RPSA2: variants seen among roughly 807,000 people sequenced by gnomAD.
RPSA2 encodes the protein small ribosomal subunit protein uS2B.
At chr19:23,825,004 G>C in the RPSA2 span, among the ~76,000 whole-genome samples, 1 of 151,362 alleles carries the variant, frequency 6.6e-6, no homozygotes, top group Admixed American at 6.6e-5. Context: ...TTTTGAGATG[G>C]AGTCTCGCTC....
chr19:23,862,186 A>G, the RPSA2 span, among the ~76,000 whole-genome samples: 2 of 151,982 alleles, frequency 1.3e-5, no homozygotes, highest in East Asian at 3.9e-4. Context: ...TTTGTCTGTT[A>G]TTGGTGTATA....
chr19:23,774,927 A>G, the RPSA2 span, among the ~76,000 whole-genome samples: 1 of 152,026 alleles, frequency 6.6e-6, no homozygotes, highest in African/African-American at 2.4e-5. Flanking sequence ...TCTCCTGCTC[A>G]CTCCCTATCC....
the RPSA2 span, chr19:23,807,771 GA>G: frequency 1.2e-5 from 4 of 323,790 alleles, no homozygotes; most frequent in Non-Finnish European, 2.5e-5. Flanking sequence ...GAGTCAAATG[GA>G]AAATTCTGCC....
At chr19:23,831,690 G>T in the RPSA2 span, 1 of 239,470 alleles carries the variant, frequency 4.2e-6, no homozygotes. Flanking sequence ...GAAAAATGTG[G>T]ACATGATAAT....
At chr19:23,813,657 A>T in the RPSA2 span, among the ~76,000 whole-genome samples, 8 of 151,988 alleles carry the variant, frequency 5.3e-5, no homozygotes, top group African/African-American at 1.9e-4. Context: ...TTTATTTTTA[A>T]TTATAAGAAG....
At chr19:23,842,532 GT>G in the RPSA2 span, 7,544 of 130,078 alleles carry the variant, frequency 0.058, 324 homozygotes, top group South Asian at 0.1. Context: ...AAATATGTGT[GT>G]TTTTTTTTTT....
At chr19:23,871,164 T>A in the RPSA2 span, among the ~76,000 whole-genome samples, 2 of 152,304 alleles carry the variant, frequency 1.3e-5, no homozygotes, top group South Asian at 2.1e-4. Context: ...CCAAATAAAC[T>A]TTTTTGTCTT....
At chr19:23,857,485 CTT>C in the RPSA2 span, among the ~76,000 whole-genome samples, 2 of 95,258 alleles carry the variant, frequency 2.1e-5, no homozygotes, top group East Asian at 3.5e-4. Flanking sequence ...TTTTTAAAGT[CTT>C]TTTTTTTTTT....
chr19:23,828,821 T>C, the RPSA2 span, among the ~76,000 whole-genome samples: 3 of 151,954 alleles, frequency 2.0e-5, no homozygotes, highest in Admixed American at 6.6e-5. Flanking sequence ...CTTTCTTGTT[T>C]TAGTTTTATT....
chr19:23,834,997 T>C, the RPSA2 span, among the ~76,000 whole-genome samples: 64,069 of 151,974 alleles, frequency 0.42, 14,379 homozygotes, highest in Non-Finnish European at 0.52. Flanking sequence ...GAATACAAAA[T>C]ATGATAATCA....
chr19:23,787,193 A>T, the RPSA2 span, among the ~76,000 whole-genome samples: 2 of 152,106 alleles, frequency 1.3e-5, no homozygotes, highest in African/African-American at 4.8e-5. Context: ...TGCATTGACA[A>T]TTTGTGACTC....
chr19:23,851,373 G>A, the RPSA2 span, among the ~76,000 whole-genome samples: 1 of 152,212 alleles, frequency 6.6e-6, no homozygotes, highest in Non-Finnish European at 1.5e-5. Flanking sequence ...GAACTTCTGA[G>A]CTTCTTGGGT....
the RPSA2 span, among the ~76,000 whole-genome samples, chr19:23,789,583 A>G: frequency 6.6e-6 from 1 of 152,202 alleles, no homozygotes; most frequent in Non-Finnish European, 1.5e-5. Context: ...TAGGAAAACA[A>G]GCACAATCCT....
At chr19:23,762,676 C>CAAA in the RPSA2 span, among the ~76,000 whole-genome samples, 1,633 of 129,880 alleles carry the variant, frequency 0.013, 20 homozygotes, top group Non-Finnish European at 0.016. Flanking sequence ...AACTCGGTCT[C>CAAA]AAAAAAAAAA....
chr19:23,808,272 A>AGTTTTTTTTT, the RPSA2 span, among the ~76,000 whole-genome samples: 2 of 126,930 alleles, frequency 1.6e-5, no homozygotes, highest in East Asian at 4.6e-4. Context: ...TACAAAATTA[A>AGTTTTTTTTT]TTTTTTTTTT....
the RPSA2 span, among the ~76,000 whole-genome samples, chr19:23,829,589 C>T: frequency 6.6e-6 from 1 of 152,206 alleles, no homozygotes; most frequent in Non-Finnish European, 1.5e-5. Context: ...GCATAAGCCA[C>T]CATGCCCAAC....
At chr19:23,808,272 A>AATTTTTTTTTTTTTTTTTT in the RPSA2 span, among the ~76,000 whole-genome samples, 2 of 126,930 alleles carry the variant, frequency 1.6e-5, 1 homozygote. Context: ...TACAAAATTA[A>AATTTTTTTTTTTTTTTTTT]TTTTTTTTTT....
the RPSA2 span, among the ~76,000 whole-genome samples, chr19:23,774,518 C>T: frequency 6.6e-6 from 1 of 152,158 alleles, no homozygotes; most frequent in Non-Finnish European, 1.5e-5. Context: ...GGGCCTGGAC[C>T]TCAGAAGCCA....
the RPSA2 span, among the ~76,000 whole-genome samples, chr19:23,761,901 A>ATTCTTTCT: frequency 5.9e-4 from 20 of 34,028 alleles, 1 homozygote; most frequent in Non-Finnish European, 8.1e-4. Flanking sequence ...GGGTAACGTA[A>ATTCTTTCT]TTCTTTCTTT....
Sources: allele counts gnomAD v4.1 joint callset (sites outside exome capture counted in the v4.1 genomes callset), GRCh38; gene constraint gnomAD v4.1.1; transcripts MANE v1.5; gene names NCBI Gene and HGNC (gene_info 2026-07-23, HGNC 2026-07-21).